NKAIN2: variants seen among roughly 807,000 people sequenced by gnomAD.
NKAIN2 encodes the protein sodium/potassium transporting ATPase interacting 2, also known as sodium/potassium-transporting ATPase subunit beta-1-interacting protein 2.
In NKAIN2, 14 loss-of-function variants were observed where a neutral mutation model predicts 32.6. That is an observed-to-expected ratio of 0.43 (90% CI 0.28 to 0.67). The LOEUF (loss-of-function observed/expected upper bound fraction) is 0.67. NKAIN2 is among the 30% of genes least tolerant of loss of function. The pLI, the probability that NKAIN2 is intolerant of heterozygous loss-of-function variation, is 0.17. For synonymous variants in NKAIN2, 80 were observed against 87.2 expected (o/e 0.92, Z 0.46); for missense variants, 198 against 258.3 (o/e 0.77, Z 1.60).
At chr6:124,580,733 A>G (rs1781489269) in intron 3 of NKAIN2, among the ~76,000 whole-genome samples, 1 of 152,206 alleles carries the variant, frequency 6.6e-6, no homozygotes, top group African/African-American at 2.4e-5. Context: ...GATTTAAAAA[A>G]CAAGACGCAG....
At chr6:124,438,302 C>G (rs187693033) in intron 3 of NKAIN2, among the ~76,000 whole-genome samples, 1 of 152,208 alleles carries the variant, frequency 6.6e-6, no homozygotes, top group Admixed American at 6.5e-5. Context: ...AAACACTACA[C>G]CCACTCAGTT....
Position 124,137,867 on chromosome 6 carries a change from A to C in NKAIN2, c.55-145138A>C, listed in dbSNP as rs77517729. 3.2e-3 allele frequency among the ~76,000 whole-genome samples: 480 copies of C among 152,250 alleles called. 2 individuals carry two copies. Among genetic ancestry groups the C allele is most frequent in the South Asian group, 0.013 (63 of 4,828 alleles). On this transcript the variant is annotated intron_variant, in intron 1 of 6. Transcript: ENST00000368417. ...CTCATCTTATACAAAAATCAACTCA[A>C]GATCGATCAGTGGCCTAAATCTAGA...
At chr6:124,472,359 A>G (rs564694519) in intron 3 of NKAIN2, among the ~76,000 whole-genome samples, 157 of 152,306 alleles carry the variant, frequency 1.0e-3, no homozygotes, top group African/African-American at 3.4e-3. Flanking sequence ...CTCAAGCACC[A>G]CATAGTATAT....
At chr6:123,942,700 T>C (rs1192221618) in intron 1 of NKAIN2, among the ~76,000 whole-genome samples, 1 of 152,032 alleles carries the variant, frequency 6.6e-6, no homozygotes, top group African/African-American at 2.4e-5. Context: ...CTCTAGGGTT[T>C]CATGACTATG....
At chr6:124,686,799 A>C (rs1388165080) in intron 4 of NKAIN2, among the ~76,000 whole-genome samples, 2 of 152,274 alleles carry the variant, frequency 1.3e-5, no homozygotes, top group Middle Eastern at 3.4e-3. Context: ...GAAGCATACA[A>C]AGTATTGATC....
At chr6:124,434,372 T>A (rs1194899642) in intron 3 of NKAIN2, among the ~76,000 whole-genome samples, 3 of 152,204 alleles carry the variant, frequency 2.0e-5, no homozygotes, top group African/African-American at 7.2e-5. Context: ...TAGGGAAATG[T>A]ATTTCTAAAA....
rs183921692 is a variant in NKAIN2, at chr6:124,068,830, C to T, written c.55-214175C>T. ...AAGAGCGATATGCCTGGAAATCCAG[C>T]GATAAGAAAAGAAGTCCTTTCCCAA... On this transcript the variant is annotated intron_variant, in intron 1 of 6. Transcript: ENST00000368417. Among the ~76,000 whole-genome samples, 49 of 152,014 alleles carry T rather than the reference C, an allele frequency of 3.2e-4. No homozygotes were observed. The East Asian group carries it at 5.8e-3, about 18-fold the overall frequency.
chr6:124,111,375 A>C (rs1443751295), intron 1 of NKAIN2, among the ~76,000 whole-genome samples: 1 of 148,388 alleles, frequency 6.7e-6, no homozygotes, highest in Non-Finnish European at 1.5e-5. Flanking sequence ...TTATATATCG[A>C]GGTGCTCTGA....
At chr6:123,814,207 C>T (rs1773598356) in intron 1 of NKAIN2, among the ~76,000 whole-genome samples, 1 of 152,136 alleles carries the variant, frequency 6.6e-6, no homozygotes, top group South Asian at 2.1e-4. Context: ...TACTATTCTA[C>T]TTAAAACAAT....
chr6:124,133,091 T>C (rs1287052855), intron 1 of NKAIN2, among the ~76,000 whole-genome samples: 1 of 152,140 alleles, frequency 6.6e-6, no homozygotes, highest in Non-Finnish European at 1.5e-5. Flanking sequence ...ATGAAGGGCC[T>C]TGGAGAAGGG....
intron 1 of NKAIN2, among the ~76,000 whole-genome samples, chr6:124,244,076 T>TA (rs35036970): frequency 0.23 from 34,870 of 151,414 alleles, 4,208 homozygotes; most frequent in East Asian, 0.28. Flanking sequence ...CTTTTTTTTT[T>TA]AATAATTTAA....
chr6:124,724,175 T>C (rs1776161788), intron 4 of NKAIN2, among the ~76,000 whole-genome samples: 2 of 152,094 alleles, frequency 1.3e-5, no homozygotes, highest in Non-Finnish European at 1.5e-5. Flanking sequence ...CTGTCTGCCA[T>C]TCTAGAGAGG....
chr6:124,801,218 C>G (rs1380642384), intron 5 of NKAIN2, among the ~76,000 whole-genome samples: 2 of 152,148 alleles, frequency 1.3e-5, no homozygotes, highest in South Asian at 2.1e-4. Context: ...ATAATAGTAA[C>G]AAGCAGATGG....
At chr6:123,873,936 T>C (rs980576926) in intron 1 of NKAIN2, among the ~76,000 whole-genome samples, 4 of 152,118 alleles carry the variant, frequency 2.6e-5, no homozygotes, top group Non-Finnish European at 2.9e-5. Context: ...TGTTTGTTTA[T>C]TTATTTATTT....
chr6:124,236,202 C>T (rs1306388899), intron 1 of NKAIN2, among the ~76,000 whole-genome samples: 1 of 151,900 alleles, frequency 6.6e-6, no homozygotes, highest in Non-Finnish European at 1.5e-5. Flanking sequence ...AGGCAGTATG[C>T]TATGTGATAT....
chr6:124,323,822 C>T (rs1398126860), intron 2 of NKAIN2, among the ~76,000 whole-genome samples: 5 of 134,168 alleles, frequency 3.7e-5, no homozygotes, highest in Admixed American at 8.1e-5. Flanking sequence ...GAGTCTCGCT[C>T]TGTCACCCAG....
At chr6:124,366,491 A>G (rs2114303557) in intron 3 of NKAIN2, among the ~76,000 whole-genome samples, 1 of 152,250 alleles carries the variant, frequency 6.6e-6, no homozygotes, top group South Asian at 2.1e-4. Flanking sequence ...TTCACTGAAA[A>G]ATTCTTAAAA....
intron 3 of NKAIN2, 123 bp from the exon 4 acceptor site, chr6:124,658,063 G>C: frequency 1.4e-6 from 1 of 690,014 alleles, no homozygotes; most frequent in East Asian, 2.6e-5. Flanking sequence ...TACAGCATGG[G>C]GTAGGAAAAA....
intron 1 of NKAIN2, among the ~76,000 whole-genome samples, chr6:124,266,910 C>A (rs887701250): frequency 1.3e-5 from 2 of 152,124 alleles, no homozygotes; most frequent in African/African-American, 4.8e-5. Context: ...AAAGGACTAC[C>A]TAGTCATCCT....
Sources: gnomAD v4.1 joint callset for allele counts (sites outside exome capture counted in the v4.1 genomes callset) on GRCh38, gnomAD v4.1.1 for gene constraint, MANE v1.5 for transcripts, NCBI Gene and HGNC (gene_info 2026-07-23, HGNC 2026-07-21) for gene names.